Variants in SPAG17 observed in about 807,000 individuals in gnomAD.
The protein encoded by SPAG17 is sperm associated antigen 17.
Under a neutral mutation model 273.6 loss-of-function variants are expected in SPAG17, and 169 were observed. The ratio of observed to expected loss-of-function variants is 0.62; its 90% confidence interval spans 0.55 to 0.70. The LOEUF is 0.70. Ranked by LOEUF, SPAG17 falls within the 30% of genes least tolerant of loss-of-function variation. The probability of loss-of-function intolerance (pLI) is 0.00; values close to 1 mark genes in which losing one functional copy is unlikely to be tolerated. For synonymous variants in SPAG17, 825 were observed against 873.2 expected (o/e 0.94, Z 0.97); for missense variants, 2,557 against 2,627.8 (o/e 0.97, Z 0.59).
At chr1:118,133,682 C>T in intron 3 of SPAG17, among the ~76,000 whole-genome samples, 1 of 152,182 alleles carries the variant, frequency 6.6e-6, no homozygotes, top group Non-Finnish European at 1.5e-5. Flanking sequence ...CCTTGAGGCA[C>T]CTCCTGCAGC....
At chr1:118,006,239 A>T (rs1342609746) in intron 31 of SPAG17, among the ~76,000 whole-genome samples, 34 of 152,234 alleles carry the variant, frequency 2.2e-4, no homozygotes, top group Admixed American at 2.2e-3. Context: ...AGAAACGCTG[A>T]TCCTGTTAGA....
chr1:118,013,860 A>G (rs971715031), intron 29 of SPAG17, among the ~76,000 whole-genome samples: 1 of 152,174 alleles, frequency 6.6e-6, no homozygotes, highest in East Asian at 1.9e-4. Flanking sequence ...GTCTGGTACT[A>G]ATCTTCTCAA....
At chr1:117,964,814 T>C (rs574712626) in intron 47 of SPAG17, 3 of 152,338 alleles carry the variant, frequency 2.0e-5, no homozygotes, top group East Asian at 3.9e-4. Flanking sequence ...ACAAGTTCCT[T>C]TAACTTTCTC....
chr1:117,984,535 T>C (rs987912947), intron 41 of SPAG17, 148 bp downstream of exon 41: 2 of 550,894 alleles, frequency 3.6e-6, no homozygotes, highest in East Asian at 6.1e-5. Context: ...CTTGTGAGAA[T>C]ATGGATTTGA....
At chr1:118,075,904 C>T (rs140937940) in intron 15 of SPAG17, among the ~76,000 whole-genome samples, 4 of 152,212 alleles carry the variant, frequency 2.6e-5, no homozygotes, top group African/African-American at 9.6e-5. Flanking sequence ...TCTTCTGCCT[C>T]ATCCTCTGCT....
intron 32 of SPAG17, among the ~76,000 whole-genome samples, chr1:117,998,327 C>T (rs1388313526): frequency 1.3e-5 from 2 of 152,052 alleles, no homozygotes; most frequent in East Asian, 1.9e-4. Flanking sequence ...TTCCTCATTG[C>T]TTGTTTTTGT....
At chr1:118,184,823 ACCT>A (rs1423058856) in intron 1 of SPAG17, among the ~76,000 whole-genome samples, 3 of 152,088 alleles carry the variant, frequency 2.0e-5, no homozygotes, top group Non-Finnish European at 2.9e-5. Flanking sequence ...TCAGAGCGAC[ACCT>A]CCTCTCTTCC....
chr1:118,153,536 T>G (rs1187603117), intron 1 of SPAG17, among the ~76,000 whole-genome samples: 3 of 152,124 alleles, frequency 2.0e-5, no homozygotes, highest in African/African-American at 7.2e-5. Flanking sequence ...AATGTATACA[T>G]GTGTATAGGC....
intron 4 of SPAG17, among the ~76,000 whole-genome samples, chr1:118,113,861 A>C (rs1289720103): frequency 6.6e-6 from 1 of 152,090 alleles, no homozygotes; most frequent in Non-Finnish European, 1.5e-5. Flanking sequence ...AGCTTTAAAA[A>C]CGTTTTCCAA....
At chr1:117,958,267 T>G (rs559742166) in intron 48 of SPAG17, among the ~76,000 whole-genome samples, 6 of 152,264 alleles carry the variant, frequency 3.9e-5, no homozygotes, top group Admixed American at 1.3e-4. Flanking sequence ...AGAAGAAGAA[T>G]AATATGTTCT....
intron 43 of SPAG17, among the ~76,000 whole-genome samples, chr1:117,976,464 C>T (rs1655148569): frequency 6.6e-6 from 1 of 152,224 alleles, no homozygotes. Flanking sequence ...GCTCCATTGA[C>T]TCTGAGCTTG....
chr1:117,959,095 AC>A, intron 48 of SPAG17: 1 of 1,336,310 alleles, frequency 7.5e-7, no homozygotes. Context: ...CTTTAGCAAT[AC>A]CCACCACCGA....
intron 18 of SPAG17, among the ~76,000 whole-genome samples, chr1:118,059,343 G>C (rs751051730): frequency 2.0e-5 from 3 of 151,914 alleles, no homozygotes; most frequent in Non-Finnish European, 4.4e-5. Context: ...CTTTAAGACA[G>C]TAATCCATTT....
In SPAG17 at chr1:118,035,322, A is replaced by G. The variant is rs76090197; in HGVS notation, c.3433+1448T>C. ...TTTAAGGACTAAATCAAGATTAATA[A>G]AATCACTCAGGAGTAGGAGCAACAG... On this transcript the variant is annotated intron_variant, in intron 24 of 48. Coordinates refer to ENST00000336338, the MANE Select transcript of SPAG17 (RefSeq NM_206996.4). Among the ~76,000 whole-genome samples the G allele has an allele frequency of 1.2e-4, 19 of 152,326 alleles. No individual in the cohort carries two copies. The East Asian group carries it at 3.7e-3, about 29-fold the overall frequency.
At chr1:118,073,335 T>C (rs906415545) in intron 17 of SPAG17, among the ~76,000 whole-genome samples, 2 of 152,194 alleles carry the variant, frequency 1.3e-5, no homozygotes, top group African/African-American at 4.8e-5. Context: ...ACTGCTTACA[T>C]AGTTTCTACT....
chr1:118,075,921 GT>G (rs889487360), intron 15 of SPAG17, among the ~76,000 whole-genome samples: 3 of 151,656 alleles, frequency 2.0e-5, no homozygotes, highest in African/African-American at 4.8e-5. Flanking sequence ...TGCTTTGTTT[GT>G]TTTTTTTATC....
In SPAG17 at chr1:117,970,067, T is replaced by A. The variant is rs1226894248; in HGVS notation, c.6376A>T (p.Lys2126Ter). ...PPSTGLKVTY[K>*]PGPVAAGMQT... is the part of the protein sequence containing the mutation. ...CATATAGGACTTACAGGTCCAGGTTTGTAAGTCACTTTCAGTCCTGTGCTG... is the reference window on the plus strand; with the variant it reads ...CATATAGGACTTACAGGTCCAGGTTAGTAAGTCACTTTCAGTCCTGTGCTG... The change falls in exon 46 of 49, where the codon AAA becomes TAA. Residue 2126 changes from lysine to a stop codon, truncating the protein, a stop_gained. Transcript: ENST00000336338. LOFTEE classifies it high-confidence loss of function. The A allele has an allele frequency of 6.2e-7, 1 of 1,613,784 alleles. No individual in the cohort carries two copies.
intron 1 of SPAG17, among the ~76,000 whole-genome samples, chr1:118,153,047 T>C (rs574046670): frequency 6.6e-6 from 1 of 152,202 alleles, no homozygotes; most frequent in South Asian, 2.1e-4. Context: ...TTGCCAATAT[T>C]TGAAAGTTAA....
At chr1:117,997,930 A>C (rs1657837508) in intron 32 of SPAG17, among the ~76,000 whole-genome samples, 1 of 152,134 alleles carries the variant, frequency 6.6e-6, no homozygotes, top group Admixed American at 6.6e-5. Flanking sequence ...CCTGACCTAG[A>C]GGTGAGGGGA....
Sources: gnomAD v4.1 joint callset for allele counts (sites outside exome capture counted in the v4.1 genomes callset) on GRCh38, gnomAD v4.1.1 for gene constraint, MANE v1.5 for transcripts, NCBI Gene and HGNC (gene_info 2026-07-23, HGNC 2026-07-21) for gene names.